Variants in PID1 observed in about 807,000 individuals in gnomAD.
PID1 encodes PTB-containing, cubilin and LRP1-interacting protein.
In PID1, 10 loss-of-function variants were observed where a neutral mutation model predicts 19.1. That is an observed-to-expected ratio of 0.52 (90% CI 0.32 to 0.89). The LOEUF (loss-of-function observed/expected upper bound fraction) is 0.89, where lower values mean the gene tolerates loss of function less well. PID1 is among the 40% of genes least tolerant of loss of function. PID1 has a pLI of 0.03. For missense variants in PID1, 248 were observed against 285.3 expected (o/e 0.87, Z 0.94); for synonymous variants, 130 against 116.0 (o/e 1.12, Z -0.78).
intron 2 of PID1, among the ~76,000 whole-genome samples, chr2:229,077,809 CA>C (rs1199447865): frequency 6.6e-6 from 1 of 152,160 alleles, no homozygotes; most frequent in African/African-American, 2.4e-5. Flanking sequence ...AGTTTGAAGT[CA>C]GGTAGCATGA....
At chr2:229,100,563 C>A (rs1695055241) in intron 2 of PID1, among the ~76,000 whole-genome samples, 1 of 152,122 alleles carries the variant, frequency 6.6e-6, no homozygotes, top group Non-Finnish European at 1.5e-5. Context: ...GTTGCACAGG[C>A]AAAAATTTAA....
chr2:229,100,538 T>C (rs1695054743), intron 2 of PID1, among the ~76,000 whole-genome samples: 1 of 152,222 alleles, frequency 6.6e-6, no homozygotes, highest in Non-Finnish European at 1.5e-5. Flanking sequence ...AAAGCATCAT[T>C]GCCTTCTTGC....
chr2:229,043,699 C>A (rs1237223896), intron 2 of PID1, among the ~76,000 whole-genome samples: 1 of 152,194 alleles, frequency 6.6e-6, no homozygotes, highest in African/African-American at 2.4e-5. Context: ...TTTTAGGACA[C>A]AGCAGCACAT....
At chr2:229,130,322 C>T (rs549240398) in intron 2 of PID1, among the ~76,000 whole-genome samples, 1 of 152,174 alleles carries the variant, frequency 6.6e-6, no homozygotes. Context: ...CAAGTCCCAG[C>T]GCTTCTCAGA....
At chr2:229,103,702 G>A (rs1443887733) in intron 2 of PID1, among the ~76,000 whole-genome samples, 4 of 148,244 alleles carry the variant, frequency 2.7e-5, no homozygotes, top group Non-Finnish European at 4.4e-5. Context: ...TCAGCCTCCC[G>A]AATAGCTGGG....
chr2:229,233,490 ATTT>A (rs56199529), intron 1 of PID1, among the ~76,000 whole-genome samples: 5,246 of 141,844 alleles, frequency 0.037, 100 homozygotes, highest in Non-Finnish European at 0.049. Flanking sequence ...AGTGTGCTAG[ATTT>A]TTTTTTTTTT....
At chr2:229,029,482 T>C (rs115256674) in intron 2 of PID1, among the ~76,000 whole-genome samples, 2,784 of 152,188 alleles carry the variant, frequency 0.018, 101 homozygotes, top group African/African-American at 0.064. Flanking sequence ...ATGTATCCTG[T>C]CGGTGGGAAT....
In PID1 at chr2:229,188,324, G is replaced by GA. The variant is rs1004048084; in HGVS notation, c.31-32361dup. 8.7e-4 allele frequency among the ~76,000 whole-genome samples: 129 copies of GA among 147,554 alleles called. 2 individuals are homozygous for GA. Among genetic ancestry groups the GA allele is most frequent in the African/African-American group, 2.3e-3 (91 of 40,150 alleles). The stretch of plus-strand genomic sequence containing the variant: ...TTTGGGATGCATTTGCTTCTCCCCT[G>GA]AAAAAAAAATTAAAAAAGGAAAAGG... On this transcript the variant is annotated intron_variant, in intron 1 of 2. Transcript: ENST00000392055.
Position 229,174,273 on chromosome 2 carries a change from T to A in PID1, c.31-18309A>T, listed in dbSNP as rs570848829. Among the ~76,000 whole-genome samples, 26 of 152,330 alleles carry A rather than the reference T, an allele frequency of 1.7e-4. 1 individual carries two copies. The South Asian group carries it at 5.4e-3, about 32-fold the overall frequency. The stretch of plus-strand genomic sequence containing the variant: ...CTGAGGGATAAAGACAAAACTTTAC[T>A]TTCCCTTAGTCCATCTCAATTCAAT... On this transcript the variant is annotated intron_variant, in intron 1 of 2. Transcript: ENST00000392055.
intron 1 of PID1, among the ~76,000 whole-genome samples, chr2:229,232,647 TTG>T (rs34929127): frequency 0.45 from 67,548 of 148,938 alleles, 16,008 homozygotes; most frequent in East Asian, 0.74. Context: ...TCACATCAAT[TTG>T]TGTGTGTGTG....
At position 229,087,893 on chromosome 2, in the gene PID1, T is replaced by G. The variant is rs534040654; in HGVS notation, c.178-61785A>C. Among the ~76,000 whole-genome samples, 9 of 152,260 alleles carry G rather than the reference T, an allele frequency of 5.9e-5. No homozygotes were observed. In the South Asian group the frequency reaches 1.0e-3, roughly 18 times the overall value. On this transcript the variant is annotated intron_variant, in intron 2 of 2. Coordinates refer to ENST00000392055, the MANE Select transcript of PID1 (RefSeq NM_001100818.2). ...TTTGTCCTTCAATTAGTCAATTACG[T>G]ATATGGTTCATCAGACCACAAAATT...
intron 2 of PID1, among the ~76,000 whole-genome samples, chr2:229,141,581 T>C (rs1401990704): frequency 6.6e-6 from 1 of 152,100 alleles, no homozygotes; most frequent in Non-Finnish European, 1.5e-5. Context: ...ATGAGAATTC[T>C]AGCACTGCTC....
intron 2 of PID1, among the ~76,000 whole-genome samples, chr2:229,045,662 AAC>A (rs1158147420): frequency 6.6e-6 from 1 of 152,246 alleles, no homozygotes; most frequent in African/African-American, 2.4e-5. Flanking sequence ...TATACAACAA[AAC>A]AGAGTTTGGG....
In PID1 at chr2:229,184,184, ATATATCCCATATG is replaced by A. The variant is rs1691031593; in HGVS notation, c.31-28233_31-28221del. 8.3e-5 allele frequency among the ~76,000 whole-genome samples: 2 copies of A among 24,156 alleles called. 1 individual carries two copies. The highest frequency in any genetic ancestry group is 1.4e-4 in the Non-Finnish European group (2 of 14,246). The allele number at this position is 24,156 out of a possible 152,430, so 15.8% of individuals were successfully genotyped here. A position where few individuals can be genotyped will look rare whatever the true frequency, so the allele number is the denominator to read the frequency against. On this transcript the variant is annotated intron_variant, in intron 1 of 2. Coordinates refer to ENST00000392055, the MANE Select transcript of PID1 (RefSeq NM_001100818.2). The stretch of plus-strand genomic sequence containing the variant: ...TCCCATATGTATATATCCCATATGT[ATATATCCCATATG>A]TATATCCCATATATATATCCCATAT...
intron 2 of PID1, among the ~76,000 whole-genome samples, chr2:229,122,959 T>C (rs1027156386): frequency 6.6e-6 from 1 of 152,198 alleles, no homozygotes; most frequent in Non-Finnish European, 1.5e-5. Flanking sequence ...GTTTCGGTAC[T>C]GGAGCTGAGT....
At chr2:229,186,052 T>C (rs192487232) in intron 1 of PID1, among the ~76,000 whole-genome samples, 8 of 152,266 alleles carry the variant, frequency 5.3e-5, no homozygotes, top group Admixed American at 2.0e-4. Flanking sequence ...ATGGGAGACA[T>C]TGGCCAAAAC....
intron 2 of PID1, among the ~76,000 whole-genome samples, chr2:229,115,549 G>A (rs1695394340): frequency 6.6e-6 from 1 of 152,116 alleles, no homozygotes; most frequent in Non-Finnish European, 1.5e-5. Context: ...TTTAAGTAGA[G>A]GAAACACATG....
At chr2:229,175,031 GC>G (rs1229801108) in intron 1 of PID1, among the ~76,000 whole-genome samples, 1 of 152,190 alleles carries the variant, frequency 6.6e-6, no homozygotes, top group Non-Finnish European at 1.5e-5. Context: ...AAACAGGGCA[GC>G]CCAGTTGCCA....
intron 1 of PID1, among the ~76,000 whole-genome samples, chr2:229,209,136 A>C (rs1177790272): frequency 1.3e-5 from 2 of 152,224 alleles, no homozygotes; most frequent in Non-Finnish European, 1.5e-5. Flanking sequence ...CTTATGCAAA[A>C]TGTCCTGATC....
Sources: gnomAD v4.1 joint callset for allele counts (sites outside exome capture counted in the v4.1 genomes callset) on GRCh38, gnomAD v4.1.1 for gene constraint, MANE v1.5 for transcripts, NCBI Gene and HGNC (gene_info 2026-07-23, HGNC 2026-07-21) for gene names.